The following COL24A1 variants were observed in gnomAD, a reference collection of about 807,000 sequenced individuals.
COL24A1 encodes the protein collagen type XXIV alpha 1 chain, also known as collagen alpha-1(XXIV) chain.
COL24A1 carries 224 observed loss-of-function variants against 253.9 expected under a neutral mutation model. The ratio of observed to expected loss-of-function variants is 0.88; its 90% CI spans 0.79 to 0.99. COL24A1 has a LOEUF of 0.99. Ranked by LOEUF, COL24A1 falls within the 50% of genes least tolerant of loss-of-function variation. COL24A1 has a pLI of 0.00. For synonymous variants in COL24A1, 685 were observed against 673.7 expected (o/e 1.02, Z -0.26); for missense variants, 2,131 against 2,068.5 (o/e 1.03, Z -0.59).
intron 19 of COL24A1, 48 bp downstream of exon 19, chr1:86,017,103 T>C (rs749087601): frequency 6.7e-7 from 1 of 1,502,330 alleles, no homozygotes; most frequent in Non-Finnish European, 9.1e-7. Flanking sequence ...ACAAGTTTAA[T>C]TTCCACCATT....
At chr1:85,966,965 T>C (rs1300870624) in intron 22 of COL24A1, among the ~76,000 whole-genome samples, 1 of 152,170 alleles carries the variant, frequency 6.6e-6, no homozygotes, top group Non-Finnish European at 1.5e-5. Context: ...TAACAGCAGC[T>C]TTATATGCTG....
chr1:85,944,771 C>A (rs1218129824), intron 24 of COL24A1, among the ~76,000 whole-genome samples: 2 of 151,824 alleles, frequency 1.3e-5, no homozygotes, highest in Non-Finnish European at 2.9e-5. Flanking sequence ...ACAACAGTCC[C>A]CAGAGTGTGA....
At chr1:85,824,589 C>T (rs2102000962) in intron 43 of COL24A1, among the ~76,000 whole-genome samples, 1 of 152,224 alleles carries the variant, frequency 6.6e-6, no homozygotes, top group Non-Finnish European at 1.5e-5. Context: ...TACTATAATA[C>T]CAAGAAACAC....
At chr1:85,961,322 AAC>A in intron 23 of COL24A1, 29 bp from the exon 24 acceptor site, 1 of 1,547,374 alleles carries the variant, frequency 6.5e-7, no homozygotes, top group Non-Finnish European at 8.9e-7. Flanking sequence ...AAGTTGCAAA[AAC>A]AGTTATTTTT....
intron 19 of COL24A1, among the ~76,000 whole-genome samples, chr1:86,010,879 G>A (rs1696424068): frequency 6.6e-6 from 1 of 152,100 alleles, no homozygotes; most frequent in Non-Finnish European, 1.5e-5. Context: ...ATAAAAAAGT[G>A]TAAGAAAATA....
intron 55 of COL24A1, among the ~76,000 whole-genome samples, chr1:85,757,646 C>T (rs1180160021): frequency 6.6e-6 from 1 of 152,120 alleles, no homozygotes. Context: ...TCTTGACAAT[C>T]TCCATATTCC....
intron 24 of COL24A1, among the ~76,000 whole-genome samples, chr1:85,955,285 T>C (rs766170565): frequency 1.3e-5 from 2 of 152,152 alleles, no homozygotes; most frequent in Non-Finnish European, 2.9e-5. Context: ...TGGCTCCCCA[T>C]CTGGCTTGCT....
At chr1:85,763,582 C>T (rs1278554538) in intron 53 of COL24A1, among the ~76,000 whole-genome samples, 3 of 148,012 alleles carry the variant, frequency 2.0e-5, no homozygotes, top group African/African-American at 7.4e-5. Context: ...ATCTCTGCCT[C>T]CCAGGTTCAA....
intron 38 of COL24A1, among the ~76,000 whole-genome samples, chr1:85,848,849 T>C (rs943400738): frequency 6.6e-6 from 1 of 152,324 alleles, no homozygotes; most frequent in East Asian, 1.9e-4. Flanking sequence ...ACTGTCTCAC[T>C]ATGAATGTTG....
chr1:86,035,685 T>G (rs1393709564), intron 12 of COL24A1, among the ~76,000 whole-genome samples: 5 of 152,112 alleles, frequency 3.3e-5, no homozygotes, highest in Admixed American at 3.3e-4. Context: ...TACTAAAAAC[T>G]GCCAAATTAT....
At chr1:86,109,164 C>T (rs1039507968) in intron 5 of COL24A1, among the ~76,000 whole-genome samples, 7 of 152,112 alleles carry the variant, frequency 4.6e-5, no homozygotes, top group Non-Finnish European at 1.0e-4. Context: ...AAATGAAGCT[C>T]GAAGGGCTAT....
chr1:86,022,205 C>T (rs778958663), intron 18 of COL24A1, 35 bp downstream of exon 18: 4 of 1,580,474 alleles, frequency 2.5e-6, no homozygotes, highest in South Asian at 2.2e-5. Context: ...TGCACTCTGT[C>T]AATTACAAAG....
At chr1:85,910,366 C>T (rs899957078) in intron 25 of COL24A1, among the ~76,000 whole-genome samples, 1 of 151,770 alleles carries the variant, frequency 6.6e-6, no homozygotes, top group African/African-American at 2.4e-5. Context: ...GTGAAAGTAT[C>T]AAAGCATATT....
At chr1:86,128,448 T>A (rs1648652234) in intron 2 of COL24A1, among the ~76,000 whole-genome samples, 2 of 152,076 alleles carry the variant, frequency 1.3e-5, no homozygotes, top group South Asian at 4.1e-4. Context: ...TCATAAAGTA[T>A]CTGAAAGCTA....
chr1:86,074,503 T>C (rs1351645817), intron 7 of COL24A1, among the ~76,000 whole-genome samples: 3 of 152,144 alleles, frequency 2.0e-5, no homozygotes, highest in African/African-American at 2.4e-5. Context: ...CACACCGTAA[T>C]AGTGGGAGAC....
At chr1:86,141,609 G>T (rs534143334) in intron 2 of COL24A1, among the ~76,000 whole-genome samples, 2 of 152,066 alleles carry the variant, frequency 1.3e-5, no homozygotes, top group Non-Finnish European at 2.9e-5. Context: ...AAAATAGTCA[G>T]ACAGGTTTCT....
At chr1:85,732,254 G>A (rs1439256179) in intron 59 of COL24A1, among the ~76,000 whole-genome samples, 5 of 150,228 alleles carry the variant, frequency 3.3e-5, no homozygotes, top group African/African-American at 1.2e-4. Context: ...TTTTTGAGAC[G>A]GAGTCTCACT....
intron 47 of COL24A1, among the ~76,000 whole-genome samples, chr1:85,814,239 C>T (rs1401245163): frequency 6.6e-6 from 1 of 152,136 alleles, no homozygotes; most frequent in African/African-American, 2.4e-5. Context: ...AAGACCCCTT[C>T]ATTCTTGTGT....
At chr1:85,741,593 T>A (rs1239301328) in intron 57 of COL24A1, among the ~76,000 whole-genome samples, 2 of 152,186 alleles carry the variant, frequency 1.3e-5, no homozygotes, top group Non-Finnish European at 2.9e-5. Context: ...TTCTAACTTT[T>A]GACCCCTACC....
Sources: gnomAD v4.1 joint callset for allele counts (sites outside exome capture counted in the v4.1 genomes callset) on GRCh38, gnomAD v4.1.1 for gene constraint, MANE v1.5 for transcripts, NCBI Gene and HGNC (gene_info 2026-07-23, HGNC 2026-07-21) for gene names.